The following PARVA variants were observed in gnomAD, a reference collection of about 807,000 sequenced individuals.
PARVA encodes alpha-parvin.
PARVA carries 25 observed loss-of-function variants against 52.6 expected under a neutral mutation model. That is an observed-to-expected ratio of 0.48 (90% CI 0.35 to 0.66). PARVA has a LOEUF of 0.66. PARVA is among the 30% of genes least tolerant of loss of function. The probability of loss-of-function intolerance (pLI) is 0.01; values close to 1 mark genes in which losing one functional copy is unlikely to be tolerated. For missense variants in PARVA, 373 were observed against 450.9 expected (o/e 0.83, Z 1.56); for synonymous variants, 185 against 179.1 (o/e 1.03, Z -0.26).
intron 1 of PARVA, among the ~76,000 whole-genome samples, chr11:12,440,132 T>C (rs1172709734): frequency 1.3e-5 from 2 of 152,244 alleles, no homozygotes; most frequent in African/African-American, 4.8e-5. Context: ...TTGACCATTG[T>C]ATATGCTCAG....
At position 12,531,388 on chromosome 11, in the gene PARVA, A is replaced by G. The variant is rs2135098144; in HGVS notation, c.*3463A>G. 6.6e-6 allele frequency among the ~76,000 whole-genome samples: 1 copy of G among 152,284 alleles called. No individual in the cohort carries two copies. Among genetic ancestry groups the G allele is most frequent in the African/African-American group, 2.4e-5 (1 of 41,540 alleles). On this transcript the variant is annotated 3_prime_UTR_variant, in exon 13 of 13. Transcript: ENST00000334956. ...GGTTAACCCTACAGAGTATACTTGA[A>G]GCTTATTTGCATCAACAGTATTCTG...
At chr11:12,429,354 A>G (rs921482707) in intron 1 of PARVA, among the ~76,000 whole-genome samples, 3 of 152,206 alleles carry the variant, frequency 2.0e-5, no homozygotes, top group African/African-American at 7.2e-5. Context: ...CGAGGCCTGC[A>G]TTTGCAGCAC....
At chr11:12,402,095 A>T (rs1939836634) in intron 1 of PARVA, among the ~76,000 whole-genome samples, 1 of 152,182 alleles carries the variant, frequency 6.6e-6, no homozygotes, top group Admixed American at 6.5e-5. Flanking sequence ...GGAGTGATTG[A>T]AGAGAGTAGT....
intron 5 of PARVA, among the ~76,000 whole-genome samples, chr11:12,501,106 C>CAAAAAA (rs112564187): frequency 6.0e-5 from 8 of 132,562 alleles, no homozygotes; most frequent in African/African-American, 2.2e-4. Flanking sequence ...AAATCCATCT[C>CAAAAAA]AAAAAAAAAA....
intron 1 of PARVA, among the ~76,000 whole-genome samples, chr11:12,396,840 G>A (rs75651177): frequency 0.033 from 5,087 of 152,176 alleles, 141 homozygotes; most frequent in Non-Finnish European, 0.054. Context: ...CTTACTTCCA[G>A]GCTTTGACTG....
At chr11:12,414,505 T>C (rs1017010293) in intron 1 of PARVA, among the ~76,000 whole-genome samples, 2 of 152,228 alleles carry the variant, frequency 1.3e-5, no homozygotes, top group African/African-American at 4.8e-5. Context: ...GCAATTAAAA[T>C]GTGAACATTA....
At chr11:12,500,077 GTGGTATGT>G (rs1433824238) in intron 5 of PARVA, among the ~76,000 whole-genome samples, 2 of 152,108 alleles carry the variant, frequency 1.3e-5, no homozygotes, top group African/African-American at 4.8e-5. Context: ...ATACCTAAGA[GTGGTATGT>G]TAGGGCCAAA....
chr11:12,484,550 G>GTGTGTGTGTGT (rs1941133348), intron 4 of PARVA, among the ~76,000 whole-genome samples: 1 of 124,952 alleles, frequency 8.0e-6, no homozygotes, highest in African/African-American at 3.3e-5. Context: ...TGTGTGTGTG[G>GTGTGTGTGTGT]TTTTCTTTTT....
intron 4 of PARVA, among the ~76,000 whole-genome samples, chr11:12,488,119 A>T (rs1223868282): frequency 2.0e-5 from 3 of 152,230 alleles, no homozygotes; most frequent in African/African-American, 7.2e-5. Flanking sequence ...TATGATAAAG[A>T]CCACTAAATA....
chr11:12,382,654 A>G (rs1416324748), intron 1 of PARVA, among the ~76,000 whole-genome samples: 2 of 152,178 alleles, frequency 1.3e-5, no homozygotes, highest in Non-Finnish European at 2.9e-5. Flanking sequence ...GTGTTTTCAT[A>G]AGAAAAAACA....
chr11:12,527,796 T>C (rs533910449), intron 12 of PARVA, 53 bp from the exon 13 acceptor site: 6 of 1,398,596 alleles, frequency 4.3e-6, no homozygotes, highest in Admixed American at 3.3e-5. Flanking sequence ...GTATGCCAGC[T>C]TTGGAACATG....
chr11:12,500,766 G>A (rs1012262940), intron 5 of PARVA, among the ~76,000 whole-genome samples: 2 of 151,624 alleles, frequency 1.3e-5, no homozygotes, highest in African/African-American at 4.9e-5. Context: ...ACTCCAGCCT[G>A]GGTGACAGAG....
chr11:12,513,258 A>T, intron 8 of PARVA, 41 bp from the exon 9 acceptor site: 1 of 1,598,386 alleles, frequency 6.3e-7, no homozygotes, highest in Non-Finnish European at 8.6e-7. Context: ...CCTGCCAGGG[A>T]TCAGCTCTTG....
chr11:12,522,384 A>G (rs111257752), intron 12 of PARVA, among the ~76,000 whole-genome samples: 2,021 of 151,552 alleles, frequency 0.013, 47 homozygotes, highest in African/African-American at 0.043. Context: ...AGCACTGAAA[A>G]CCTACCAGAG....
intron 4 of PARVA, among the ~76,000 whole-genome samples, chr11:12,489,890 C>CA (rs1044412729): frequency 1.3e-5 from 2 of 151,954 alleles, no homozygotes; most frequent in Non-Finnish European, 2.9e-5. Context: ...CATACACAGC[C>CA]AAAAAAACTG....
At chr11:12,511,412 T>G (rs1476637544) in intron 7 of PARVA, 102 bp from the exon 8 acceptor site, 3 of 1,244,422 alleles carry the variant, frequency 2.4e-6, no homozygotes, top group East Asian at 2.5e-5. Flanking sequence ...GCAGGCAGCA[T>G]GGGGTGGGCT....
rs143617328 is a variant in PARVA at position 12,478,647 on chromosome 11, T to G, written c.400+698T>G. On this transcript the variant is annotated intron_variant, in intron 4 of 12. Transcript: ENST00000334956. ...AATTCATCCACTTTTCTAAAGCTGT[T>G]TCATCCCCTCTGAGTTCATAGAATC... 4.4e-4 allele frequency: 70 copies of G among 159,134 alleles called. No homozygotes were observed. The East Asian group carries it at 0.012, about 27-fold the overall frequency. 9.9% of individuals were successfully genotyped at this position (159,134 alleles called of 1,614,324 possible). A position where few individuals can be genotyped will look rare whatever the true frequency, so the allele number is the denominator to read the frequency against.
chr11:12,518,733 G>A (rs1402299573), intron 12 of PARVA, among the ~76,000 whole-genome samples: 14 of 152,332 alleles, frequency 9.2e-5, no homozygotes, highest in East Asian at 7.7e-4. Flanking sequence ...CATGCCATGC[G>A]TGGGATCGCG....
chr11:12,475,087 T>C (rs1381684870), intron 3 of PARVA, among the ~76,000 whole-genome samples: 1 of 152,190 alleles, frequency 6.6e-6, no homozygotes, highest in Non-Finnish European at 1.5e-5. Flanking sequence ...TAAGAGGTGG[T>C]GTTTAGACTC....
Sources: allele counts gnomAD v4.1 joint callset (sites outside exome capture counted in the v4.1 genomes callset), GRCh38; gene constraint gnomAD v4.1.1; transcripts MANE v1.5; gene names NCBI Gene and HGNC (gene_info 2026-07-23, HGNC 2026-07-21).